Variants in MAPK6 observed in about 807,000 individuals in gnomAD.
MAPK6 encodes mitogen-activated protein kinase 6.
In MAPK6, 19 loss-of-function variants were observed where a neutral mutation model predicts 59.3. That is an observed-to-expected ratio of 0.32 (90% CI 0.22 to 0.47). The LOEUF is 0.47. MAPK6 is among the 20% of genes least tolerant of loss of function. The pLI, the probability that MAPK6 is intolerant of heterozygous loss-of-function variation, is 1.00. For missense variants in MAPK6, 724 were observed against 847.9 expected, an observed-to-expected ratio of 0.85 and a Z score of 1.81; for synonymous variants, 316 against 290.3, an observed-to-expected ratio of 1.09 and a Z score of -0.90.
intron 1 of MAPK6, among the ~76,000 whole-genome samples, chr15:52,037,921 A>T (rs796317056): frequency 2.0e-5 from 3 of 152,168 alleles, no homozygotes; most frequent in Non-Finnish European, 2.9e-5. Flanking sequence ...TTAGTCCCAA[A>T]CCTTTTATCA....
intron 1 of MAPK6, among the ~76,000 whole-genome samples, chr15:52,022,752 T>G (rs1178229189): frequency 4.6e-5 from 7 of 152,120 alleles, no homozygotes; most frequent in African/African-American, 1.7e-4. Flanking sequence ...ACTTAGAGGT[T>G]TAACGTATTT....
chr15:52,016,123 G>A (rs185676426), upstream of MAPK6, among the ~76,000 whole-genome samples: 549 of 127,118 alleles, frequency 4.3e-3, 6 homozygotes, highest in African/African-American at 0.015. Context: ...AAAACTGGCC[G>A]GGCATGGTGG....
At position 52,061,511 on chromosome 15, in the gene MAPK6, C is replaced by T. The variant is rs1421768511; in HGVS notation, c.1067+11C>T. ...TTATAACTGGGAAAGGTAAATTGAT[C>T]CTAAATTAGAAAAATAATATTTACT... is the stretch of plus-strand genomic sequence containing the variant. On this transcript the variant is annotated intron_variant, in intron 5 of 5. Transcript: ENST00000261845. 6.3e-7 allele frequency: 1 copy of T among 1,589,842 alleles called. No individual in the cohort carries two copies. Among genetic ancestry groups the T allele is most frequent in the Admixed American group, 1.7e-5 (1 of 59,656 alleles).
chr15:52,053,981 G>A (rs570080456), intron 3 of MAPK6, among the ~76,000 whole-genome samples: 1 of 151,866 alleles, frequency 6.6e-6, no homozygotes, highest in South Asian at 2.1e-4. Context: ...TTTTTCTTTT[G>A]TCTCTTTTGT....
rs147026492 is a variant in MAPK6 at position 52,051,082 on chromosome 15, G to T, written c.700+945G>T. 7.3e-3 allele frequency among the ~76,000 whole-genome samples: 1,110 copies of T among 151,788 alleles called. 6 individuals carry two copies. Among genetic ancestry groups the T allele is most frequent in the Middle Eastern group, 0.02 (6 of 294 alleles). ...ATACCCATTTTTTTTTTCTGAGACG[G>T]AGTCTTGCTCTGTCACCCAGGCTGG... On this transcript the variant is annotated intron_variant, in intron 3 of 5. Transcript: ENST00000261845.
chr15:52,050,862 T>A (rs1032973558), intron 3 of MAPK6, among the ~76,000 whole-genome samples: 2 of 151,658 alleles, frequency 1.3e-5, no homozygotes, highest in African/African-American at 4.9e-5. Context: ...GTGCAAGTTG[T>A]CAAATAATAA....
At chr15:52,050,245 T>C (rs2031733274) in intron 3 of MAPK6, 108 bp downstream of exon 3, 2 of 994,404 alleles carry the variant, frequency 2.0e-6, no homozygotes, top group Admixed American at 6.1e-5. Context: ...TGATCTGTAA[T>C]ACTAAAATGA....
In MAPK6 at chr15:52,064,182, T is replaced by C; in HGVS notation, c.1348T>C (p.Ser450Pro). The change falls in exon 6 of 6, where the codon TCA (serine) becomes CCA (proline). Residue 450 changes from serine to proline, a missense_variant. Physicochemically the swap from Ser to Pro is moderately conservative, Grantham distance 74 (BLOSUM62 -1). Around this residue, in one of 4 missense-constraint regions of MAPK6, gnomAD observed 502 missense variants for 507.6 expected, o/e 0.99. Transcript: ENST00000261845. Reference sequence around the variant, plus strand: ...CCATACTTGTAACTACAAAACGAGGTCATCATCATATTTAGATAACTTAGT... The same window carrying C: ...CCATACTTGTAACTACAAAACGAGGCCATCATCATATTTAGATAACTTAGT... ...CSHTCNYKTRSSSYLDNLVWR... is the reference protein window; with the variant it reads ...CSHTCNYKTRPSSYLDNLVWR... 1 of 1,612,790 alleles carries C rather than the reference T, an allele frequency of 6.2e-7. No individual in the cohort carries two copies. Among genetic ancestry groups the C allele is most frequent in the Non-Finnish European group, 8.5e-7 (1 of 1,179,700 alleles).
intron 1 of MAPK6, among the ~76,000 whole-genome samples, chr15:52,043,922 T>C (rs1034646143): frequency 1.3e-5 from 2 of 151,636 alleles, no homozygotes; most frequent in Non-Finnish European, 2.9e-5. Context: ...ACTACAGGCA[T>C]GCGCCACCAC....
intron 2 of MAPK6, among the ~76,000 whole-genome samples, chr15:51,990,099 T>C (rs754889703): frequency 3.3e-5 from 5 of 152,212 alleles, no homozygotes; most frequent in African/African-American, 1.2e-4. Flanking sequence ...ACTAATTTGG[T>C]GAAATCATTC....
chr15:52,055,854 A>G (rs374919959), intron 3 of MAPK6, among the ~76,000 whole-genome samples: 83 of 152,348 alleles, frequency 5.4e-4, no homozygotes, highest in South Asian at 3.1e-3. Flanking sequence ...TAAATGTTCA[A>G]TGCACATTCG....
chr15:52,064,628 G>A lies in MAPK6; in HGVS notation c.1794G>A (p.Val598=), dbSNP rs767177059. The change falls in exon 6 of 6, where the codon GTG becomes GTA. Residue 598 remains valine (V), a synonymous_variant. Transcript: ENST00000261845. The part of the protein sequence containing the change: ...LYQSSWDSQF[V]SGGEDCFFIN... Reference sequence around the variant, plus strand: ...AGTCTTCTTGGGACAGCCAGTTTGTGAGTGGTGGGGAGGACTGTTTTTTCA... The same window carrying A: ...AGTCTTCTTGGGACAGCCAGTTTGTAAGTGGTGGGGAGGACTGTTTTTTCA... 5 of 1,611,656 alleles carry A rather than the reference G, an allele frequency of 3.1e-6. No homozygotes were observed. The highest frequency in any genetic ancestry group is 1.7e-5 in the Admixed American group (1 of 59,984).
rs1197968139 is a variant in MAPK6 at position 52,041,036 on chromosome 15, TA to T, written c.-631-4792del. Among the ~76,000 whole-genome samples, 101 of 152,298 alleles carry T rather than the reference TA, an allele frequency of 6.6e-4. 1 individual carries two copies. Among genetic ancestry groups the T allele is most frequent in the Non-Finnish European group, 1.0e-4 (7 of 68,020 alleles). ...ATCAGCAATGGTTGGTAGGAATGGGTAACATTTATTTGGAAGCAGAGAAATT... is the reference window on the plus strand; with the variant it reads ...ATCAGCAATGGTTGGTAGGAATGGGTACATTTATTTGGAAGCAGAGAAATT... On this transcript the variant is annotated intron_variant, in intron 1 of 5. Transcript: ENST00000261845.
rs267604252 is a variant in MAPK6 at position 52,046,883 on chromosome 15, G to A, written c.423G>A (p.Lys141=). Residue 141 remains lysine (K), a synonymous_variant, in exon 2 of 6, where the codon AAG becomes AAA. Coordinates refer to ENST00000261845, the MANE Select transcript of MAPK6 (RefSeq NM_002748.4). ...TGTATCAGCTGCTACGGGGGCTCAA[G>A]TATATTCACTCTGCAAATGTACTGC... ...LFMYQLLRGL[K]YIHSANVLHR... 30 of 1,614,050 alleles carry A rather than the reference G, an allele frequency of 1.9e-5. No individual in the cohort carries two copies. The African/African-American group carries it at 3.5e-4, about 19-fold the overall frequency.
Position 52,061,278 on chromosome 15 carries a change from CTT to C in MAPK6, c.866-18_866-17del, listed in dbSNP as rs1244691695. The C allele has an allele frequency of 1.9e-6, 3 of 1,596,682 alleles. No homozygotes were observed. The highest frequency in any genetic ancestry group is 2.6e-6 in the Non-Finnish European group (3 of 1,165,952). ...AGGTAAGCAATTCTTTTCTGAAAAA[CTT>C]TTACCTTTTCCTCTGCAGCACTGGA... On this transcript the variant is annotated intron_variant, in intron 4 of 5. Transcript: ENST00000261845.
Position 52,046,580 on chromosome 15 carries a change from T to C in MAPK6, c.120T>C (p.Asn40=). 1.2e-6 allele frequency: 2 copies of C among 1,614,150 alleles called. No individual in the cohort carries two copies. The highest frequency in any genetic ancestry group is 1.7e-6 in the Non-Finnish European group (2 of 1,180,010). The change falls in exon 2 of 6, where the codon AAT becomes AAC. Residue 40 remains asparagine, a synonymous_variant. Transcript: ENST00000261845. ...GCTTGGTTTTTTCTGCTGTAGACAA[T>C]GACTGTGACAAAAGAGTAGCCATCA... ...GNGLVFSAVD[N]DCDKRVAIKK...
In MAPK6 at chr15:52,046,761, C is replaced by T; in HGVS notation, c.301C>T (p.Leu101=). Residue 101 remains leucine (L), a synonymous_variant, in exon 2 of 6, where the codon CTG becomes TTG. Coordinates refer to ENST00000261845, the MANE Select transcript of MAPK6 (RefSeq NM_002748.4). The part of the protein sequence containing the change: ...LTDDVGSLTE[L]NSVYIVQEYM... ...AGACGATGTGGGCTCTCTTACGGAA[C>T]TGAACAGTGTTTACATTGTTCAGGA... 6.2e-7 allele frequency: 1 copy of T among 1,614,088 alleles called. No homozygotes were observed. The highest frequency in any genetic ancestry group is 8.5e-7 in the Non-Finnish European group (1 of 1,179,970).
intron 3 of MAPK6, among the ~76,000 whole-genome samples, chr15:52,051,343 C>T (rs1335174825): frequency 2.0e-5 from 3 of 152,056 alleles, no homozygotes; most frequent in East Asian, 1.9e-4. Flanking sequence ...AGGCGTGAGC[C>T]ACCCCACCAG....
intron 5 of MAPK6, among the ~76,000 whole-genome samples, chr15:52,063,700 C>T (rs2032297928): frequency 6.6e-6 from 1 of 152,176 alleles, no homozygotes; most frequent in Non-Finnish European, 1.5e-5. Flanking sequence ...AATGAAGTTA[C>T]ATACTGCATT....
Sources: gnomAD v4.1 joint callset for allele counts (sites outside exome capture counted in the v4.1 genomes callset) on GRCh38, gnomAD v4.1.1 for gene constraint, gnomAD v4.1.1 regional missense constraint, MANE v1.5 for transcripts, NCBI Gene and HGNC (gene_info 2026-07-23, HGNC 2026-07-21) for gene names.